The following FHOD3 variants were observed in gnomAD, a reference collection of about 807,000 sequenced individuals.
FHOD3 encodes formin homology 2 domain containing 3.
FHOD3 carries 90 observed loss-of-function variants against 173.0 expected under a neutral mutation model. The ratio of observed to expected loss-of-function variants is 0.52; its 90% CI spans 0.44 to 0.62. FHOD3 has a LOEUF of 0.62. FHOD3 is among the 20% of genes least tolerant of loss of function. FHOD3 has a pLI of 0.00. For missense variants in FHOD3, 1,945 were observed against 2,034.7 expected, an observed-to-expected ratio of 0.96 and a Z score of 0.85; for synonymous variants, 828 against 823.0, an observed-to-expected ratio of 1.01 and a Z score of -0.10.
intron 5 of FHOD3, among the ~76,000 whole-genome samples, chr18:36,559,256 G>A (rs1049457122): frequency 6.6e-6 from 1 of 152,072 alleles, no homozygotes; most frequent in African/African-American, 2.4e-5. Context: ...ATTGAAAGAC[G>A]ACCCACAACT....
intron 3 of FHOD3, among the ~76,000 whole-genome samples, chr18:36,492,841 G>C (rs1218834483): frequency 6.6e-6 from 1 of 152,184 alleles, no homozygotes; most frequent in South Asian, 2.1e-4. Flanking sequence ...GCTTTGGCAT[G>C]TGTGTGTTTT....
At chr18:36,748,371 CACACACACACA>C (rs1281484922) in intron 24 of FHOD3, among the ~76,000 whole-genome samples, 2 of 132,846 alleles carry the variant, frequency 1.5e-5, no homozygotes, top group Non-Finnish European at 3.1e-5. Context: ...CGCGCACACA[CACACACACACA>C]ACACACACAC....
chr18:36,650,410 C>T (rs1025902324), intron 11 of FHOD3, among the ~76,000 whole-genome samples: 1 of 152,126 alleles, frequency 6.6e-6, no homozygotes, highest in Admixed American at 6.5e-5. Context: ...CTTCTCTGAA[C>T]TGACAAACTA....
At chr18:36,485,591 G>T (rs572480876) in intron 3 of FHOD3, among the ~76,000 whole-genome samples, 1 of 152,254 alleles carries the variant, frequency 6.6e-6, no homozygotes, top group Non-Finnish European at 1.5e-5. Flanking sequence ...AGTGGAGCTT[G>T]TGAGAAGAGC....
intron 5 of FHOD3, among the ~76,000 whole-genome samples, chr18:36,562,632 C>G (rs1266489511): frequency 6.6e-6 from 1 of 152,198 alleles, no homozygotes; most frequent in Non-Finnish European, 1.5e-5. Context: ...CATTGGAGAG[C>G]AGGACGTGGA....
At position 36,478,250 on chromosome 18, in the gene FHOD3, T is replaced by A. The variant is rs376984191; in HGVS notation, c.338-23682T>A. Reference sequence around the variant, plus strand: ...CCTTAATCCAGGCCATTGTCACATCTTTTTTTGATGAATGTAGCACTTTTA... The same window carrying A: ...CCTTAATCCAGGCCATTGTCACATCATTTTTTGATGAATGTAGCACTTTTA... On this transcript the variant is annotated intron_variant, in intron 3 of 28. Coordinates refer to ENST00000590592, the MANE Select transcript of FHOD3 (RefSeq NM_001281740.3). 4.6e-5 allele frequency among the ~76,000 whole-genome samples: 7 copies of A among 152,310 alleles called. No homozygotes were observed. The East Asian group carries it at 1.3e-3, about 29-fold the overall frequency.
intron 1 of FHOD3, among the ~76,000 whole-genome samples, chr18:36,348,666 G>A (rs1387000222): frequency 8.5e-5 from 13 of 152,178 alleles, no homozygotes; most frequent in Non-Finnish European, 1.8e-4. Flanking sequence ...CTCACTCCCC[G>A]GTGCTCCAGG....
intron 5 of FHOD3, among the ~76,000 whole-genome samples, chr18:36,567,352 C>T (rs2058301048): frequency 6.6e-6 from 1 of 152,126 alleles, no homozygotes; most frequent in Admixed American, 6.5e-5. Context: ...GCTTAGCATG[C>T]TGAGACAGAA....
intron 5 of FHOD3, among the ~76,000 whole-genome samples, chr18:36,567,911 GTCTGGTTTT>G (rs1293122614): frequency 6.6e-6 from 1 of 152,080 alleles, no homozygotes; most frequent in Non-Finnish European, 1.5e-5. Context: ...ACTCACAGAA[GTCTGGTTTT>G]TCCTTCTCTG....
chr18:36,539,999 G>A (rs529899686), intron 5 of FHOD3, among the ~76,000 whole-genome samples: 1 of 152,334 alleles, frequency 6.6e-6, no homozygotes, highest in East Asian at 1.9e-4. Flanking sequence ...CATGTCGCCT[G>A]TATTTAAATC....
At chr18:36,601,632 C>A (rs73431684) in intron 7 of FHOD3, among the ~76,000 whole-genome samples, 2,497 of 152,244 alleles carry the variant, frequency 0.016, 77 homozygotes, top group African/African-American at 0.056. Context: ...CATCCAAGGA[C>A]CAGCATTTGG....
intron 5 of FHOD3, among the ~76,000 whole-genome samples, chr18:36,536,558 T>C (rs2057001612): frequency 6.6e-6 from 1 of 152,254 alleles, no homozygotes; most frequent in Admixed American, 6.5e-5. Flanking sequence ...AGCTCTGTGC[T>C]GGCTCTGCAC....
rs1180010260 is a variant in FHOD3, at chr18:36,479,422, T to G, written c.338-22510T>G. ...ATCCTTTTTGCCCAGTGATCACTTG[T>G]CCAGATTTCCTTGCTTGCTTAATAT... On this transcript the variant is annotated intron_variant, in intron 3 of 28. Coordinates refer to ENST00000590592, the MANE Select transcript of FHOD3 (RefSeq NM_001281740.3). 5.3e-5 allele frequency among the ~76,000 whole-genome samples: 8 copies of G among 152,188 alleles called. No individual in the cohort carries two copies. In the East Asian group the frequency reaches 1.5e-3, roughly 29 times the overall value.
intron 3 of FHOD3, among the ~76,000 whole-genome samples, chr18:36,405,411 TCTTTC>T (rs1272385142): frequency 2.0e-5 from 3 of 152,260 alleles, no homozygotes; most frequent in Non-Finnish European, 4.4e-5. Flanking sequence ...GAGATATTCT[TCTTTC>T]CTTTCCACTT....
At chr18:36,705,366 A>T (rs2039817344) in intron 17 of FHOD3, among the ~76,000 whole-genome samples, 1 of 151,612 alleles carries the variant, frequency 6.6e-6, no homozygotes, top group Non-Finnish European at 1.5e-5. Context: ...CTTTTAACTC[A>T]TTTTTACCCC....
chr18:36,388,968 G>A (rs948569269), intron 3 of FHOD3, among the ~76,000 whole-genome samples: 3 of 152,006 alleles, frequency 2.0e-5, no homozygotes, highest in Non-Finnish European at 4.4e-5. Flanking sequence ...CCTCTGGGGG[G>A]CACCGTGAGC....
intron 5 of FHOD3, among the ~76,000 whole-genome samples, chr18:36,559,581 G>A (rs552493565): frequency 3.3e-5 from 5 of 152,230 alleles, no homozygotes; most frequent in South Asian, 2.1e-4. Flanking sequence ...GGACACACAA[G>A]CCATTTAAAC....
chr18:36,314,599 G>C (rs998964354), intron 1 of FHOD3, among the ~76,000 whole-genome samples: 1 of 152,212 alleles, frequency 6.6e-6, no homozygotes, highest in African/African-American at 2.4e-5. Context: ...AGTATTAGAT[G>C]TTTGGTTTTT....
chr18:36,609,032 A>C (rs1375406214), intron 8 of FHOD3, among the ~76,000 whole-genome samples: 1 of 152,382 alleles, frequency 6.6e-6, no homozygotes, highest in East Asian at 1.9e-4. Context: ...ATGAAAACCC[A>C]GGGAGGGGGA....
Sources: allele counts gnomAD v4.1 joint callset (sites outside exome capture counted in the v4.1 genomes callset), GRCh38; gene constraint gnomAD v4.1.1; transcripts MANE v1.5; gene names NCBI Gene and HGNC (gene_info 2026-07-23, HGNC 2026-07-21).